BRCA1: variants seen among roughly 807,000 people sequenced by gnomAD.
BRCA1 encodes the protein breast cancer type 1 susceptibility protein.
BRCA1 carries 140 observed loss-of-function variants against 173.7 expected under a neutral mutation model. That is an observed-to-expected ratio of 0.81 (90% CI 0.70 to 0.93). The LOEUF is 0.93. BRCA1 is among the 40% of genes least tolerant of loss of function. The pLI, the probability that BRCA1 is intolerant of heterozygous loss-of-function variation, is 0.00. For synonymous variants in BRCA1, 662 were observed against 756.0 expected, an observed-to-expected ratio of 0.88 and a Z score of 2.04; for missense variants, 1,983 against 2,172.5, an observed-to-expected ratio of 0.91 and a Z score of 1.73.
intron 3 of BRCA1, among the ~76,000 whole-genome samples, chr17:43,113,338 A>C (rs1227073879): frequency 1.3e-5 from 2 of 151,582 alleles, no homozygotes; most frequent in Non-Finnish European, 2.9e-5. Context: ...ACATATGCAA[A>C]GTTAGCTTAT....
chr17:43,126,409 G>C (rs533464646), upstream of BRCA1, among the ~76,000 whole-genome samples: 5 of 152,262 alleles, frequency 3.3e-5, no homozygotes, highest in East Asian at 5.8e-4. Context: ...AGCTGGCAGC[G>C]GACGGTCTTT....
intron 1 of BRCA1, among the ~76,000 whole-genome samples, chr17:43,144,017 G>A (rs1012937894): frequency 4.8e-4 from 73 of 152,170 alleles, no homozygotes; most frequent in Admixed American, 1.2e-3. Flanking sequence ...TCAGGAGATC[G>A]AGACCATCCT....
chr17:43,131,596 C>T (rs2055966008), intron 1 of BRCA1, among the ~76,000 whole-genome samples: 2 of 152,054 alleles, frequency 1.3e-5, no homozygotes, highest in East Asian at 3.9e-4. Context: ...CAGCAGGCGC[C>T]TGTAGTCCTA....
chr17:43,082,318 G>A, intron 12 of BRCA1, 86 bp downstream of exon 12: 2 of 1,396,538 alleles, frequency 1.4e-6, no homozygotes, highest in South Asian at 1.3e-5. Context: ...TAAAATGTTG[G>A]AGCTAGGTCC....
At position 43,044,482 on chromosome 17, in the gene BRCA1, C is replaced by A; in HGVS notation, c.*1196G>T. The stretch of plus-strand genomic sequence containing the variant: ...AAACACTTTTTCTTCCTTCAGCAAG[C>A]AAAATTATTTATGAAGCTGTATGGT... On this transcript the variant is annotated 3_prime_UTR_variant, in exon 23 of 23. Transcript: ENST00000357654. The A allele has an allele frequency of 2.0e-6, 1 of 508,976 alleles. No individual in the cohort carries two copies. The highest frequency in any genetic ancestry group is 3.8e-6 in the Non-Finnish European group (1 of 260,074). The allele number at this position is 508,976 out of a possible 1,614,324, so 31.5% of individuals were successfully genotyped here. A position where few individuals can be genotyped will look rare whatever the true frequency, so the allele number is the denominator to read the frequency against.
intron 2 of BRCA1, among the ~76,000 whole-genome samples, chr17:43,121,301 G>A (rs561370557): frequency 6.6e-6 from 1 of 152,070 alleles, no homozygotes; most frequent in East Asian, 1.9e-4. Context: ...CCTGAACCCG[G>A]GAGGCGGAGC....
At chr17:43,141,939 T>C (rs878930759) in intron 1 of BRCA1, among the ~76,000 whole-genome samples, 1 of 151,778 alleles carries the variant, frequency 6.6e-6, no homozygotes, top group Non-Finnish European at 1.5e-5. Flanking sequence ...TGAGATGGAG[T>C]CTTGCTCTGT....
intron 7 of BRCA1, 118 bp downstream of exon 7, chr17:43,099,657 A>G (rs2054283976): frequency 7.3e-6 from 6 of 823,190 alleles, no homozygotes; most frequent in Non-Finnish European, 1.2e-5. Context: ...GGCTCATAAA[A>G]TTCACTTCCC....
At chr17:43,107,016 T>C (rs2054820362) in intron 3 of BRCA1, among the ~76,000 whole-genome samples, 1 of 151,450 alleles carries the variant, frequency 6.6e-6, no homozygotes, top group Admixed American at 6.6e-5. Flanking sequence ...AACTCATACA[T>C]ACATCTGTGA....
intron 1 of BRCA1, chr17:43,138,476 C>A (rs1444015667): frequency 4.9e-6 from 3 of 612,364 alleles, no homozygotes; most frequent in African/African-American, 3.7e-5. Flanking sequence ...CCATGTGACT[C>A]CACCGTAGAC....
At chr17:43,069,110 A>G (rs558027799) in intron 15 of BRCA1, among the ~76,000 whole-genome samples, 2 of 152,302 alleles carry the variant, frequency 1.3e-5, no homozygotes, top group East Asian at 1.9e-4. Flanking sequence ...GCCTCACTCC[A>G]TACTGCCACA....
At chr17:43,142,944 A>G (rs1337610764) in intron 1 of BRCA1, among the ~76,000 whole-genome samples, 2 of 145,168 alleles carry the variant, frequency 1.4e-5, no homozygotes, top group Non-Finnish European at 3.0e-5. Context: ...GTGTGTGTAT[A>G]TATATATGTG....
chr17:43,085,370 AG>A (rs1211380235), intron 11 of BRCA1, among the ~76,000 whole-genome samples: 5 of 152,062 alleles, frequency 3.3e-5, no homozygotes, highest in Non-Finnish European at 7.4e-5. Context: ...AAAAAAAAAA[AG>A]AAAAGAAAAA....
intron 8 of BRCA1, among the ~76,000 whole-genome samples, chr17:43,096,393 A>AG (rs1006834239): frequency 4.0e-5 from 6 of 149,796 alleles, no homozygotes; most frequent in African/African-American, 1.5e-4. Context: ...AAAAAAAAAA[A>AG]AGAGAGAAAG....
intron 1 of BRCA1, chr17:43,142,465 A>C (rs2154581464): frequency 6.6e-6 from 1 of 152,338 alleles, no homozygotes; most frequent in South Asian, 2.1e-4. Flanking sequence ...AGCCGGACAG[A>C]GGAATGGTTA....
chr17:43,100,031 C>T lies in BRCA1; in HGVS notation c.442-151G>A. ...CCTGGAAAAAATGCCCAGGAATTTA[C>T]ACACTAAAATGTCTGGGGCTGGGAG... On this transcript the variant is annotated intron_variant, in intron 6 of 22. Transcript: ENST00000357654. 5 of 717,232 alleles carry T rather than the reference C, an allele frequency of 7.0e-6. No homozygotes were observed. The South Asian group carries it at 7.2e-5, about 10-fold the overall frequency. 44.4% of individuals were successfully genotyped at this position (717,232 alleles called of 1,614,324 possible).
At chr17:43,148,132 T>G (rs1334318357) in intron 1 of BRCA1, among the ~76,000 whole-genome samples, 1 of 152,146 alleles carries the variant, frequency 6.6e-6, no homozygotes, top group Non-Finnish European at 1.5e-5. Flanking sequence ...AAAATTCTAA[T>G]GTAAAAATTG....
chr17:43,111,547 C>T (rs966448858), intron 3 of BRCA1, among the ~76,000 whole-genome samples: 2 of 151,342 alleles, frequency 1.3e-5, no homozygotes, highest in African/African-American at 2.4e-5. Flanking sequence ...AACAGCCGGG[C>T]GTGGTGGCTC....
chr17:43,152,015 C>G (rs1016213458), intron 1 of BRCA1, among the ~76,000 whole-genome samples: 4 of 152,182 alleles, frequency 2.6e-5, no homozygotes, highest in African/African-American at 9.7e-5. Context: ...AAATAACACC[C>G]TGGAATAGGT....
Sources: gnomAD v4.1 joint callset for allele counts (sites outside exome capture counted in the v4.1 genomes callset) on GRCh38, gnomAD v4.1.1 for gene constraint, MANE v1.5 for transcripts, NCBI Gene and HGNC (gene_info 2026-07-23, HGNC 2026-07-21) for gene names.